FGGY: variants seen among roughly 807,000 people sequenced by gnomAD.
FGGY encodes FGGY carbohydrate kinase domain containing.
Under a neutral mutation model 71.3 loss-of-function variants are expected in FGGY, and 72 were observed. The observed-to-expected ratio is 1.01, with a 90% CI of 0.84 to 1.23. The LOEUF is 1.23. FGGY is among the 50% of genes most tolerant of loss of function. The probability of loss-of-function intolerance (pLI) is 0.00; values close to 1 mark genes in which losing one functional copy is unlikely to be tolerated. For synonymous variants in FGGY, 251 were observed against 250.3 expected, an observed-to-expected ratio of 1.00 and a Z score of -0.02; for missense variants, 668 against 682.3, an observed-to-expected ratio of 0.98 and a Z score of 0.23.
chr1:59,487,057 C>G (rs1185232806), intron 6 of FGGY, among the ~76,000 whole-genome samples: 1 of 152,126 alleles, frequency 6.6e-6, no homozygotes, highest in East Asian at 1.9e-4. Context: ...GAGTGACACA[C>G]CCCTGAGGTT....
chr1:59,386,030 G>C (rs547343537), intron 5 of FGGY, among the ~76,000 whole-genome samples: 1 of 152,032 alleles, frequency 6.6e-6, no homozygotes, highest in Non-Finnish European at 1.5e-5. Context: ...TTTTAAAATA[G>C]TTTTAGGATT....
intron 1 of FGGY, among the ~76,000 whole-genome samples, chr1:59,318,932 G>A (rs2045922633): frequency 6.6e-6 from 1 of 152,216 alleles, no homozygotes; most frequent in Admixed American, 6.5e-5. Flanking sequence ...TGAGAGGTTG[G>A]TAGAGGGAAG....
rs867366756 is a variant in FGGY, at chr1:59,512,219, G to A, written c.671-92G>A. ...ATCTTTGCAAATGCAGAGGAGGGAG[G>A]AGAGAGCAAAGAGTTTCTCTTAAAA... On this transcript the variant is annotated intron_variant, in intron 6 of 15. Transcript: ENST00000303721. The A allele has an allele frequency of 3.7e-6, 5 of 1,349,308 alleles. No homozygotes were observed. The South Asian group carries it at 6.3e-5, about 17-fold the overall frequency. The allele number at this position is 1,349,308 out of a possible 1,614,324, so 83.6% of individuals were successfully genotyped here.
chr1:59,550,519 C>T lies in FGGY; in HGVS notation c.800-3605C>T, dbSNP rs369218477. Among the ~76,000 whole-genome samples, 12 of 151,884 alleles carry T rather than the reference C, an allele frequency of 7.9e-5. No homozygotes were observed. In the East Asian group the frequency reaches 1.2e-3, roughly 15 times the overall value. On this transcript the variant is annotated intron_variant, in intron 7 of 15. Coordinates refer to ENST00000303721, the MANE Select transcript of FGGY (RefSeq NM_018291.5). Reference sequence around the variant, plus strand: ...TGAGGGGAAATGAGGCCAGTCCTGCCCAATATATATAATTTTAGGTAAGGA... The same window carrying T: ...TGAGGGGAAATGAGGCCAGTCCTGCTCAATATATATAATTTTAGGTAAGGA...
chr1:59,345,155 C>T (rs2051563750), intron 3 of FGGY, among the ~76,000 whole-genome samples: 2 of 152,152 alleles, frequency 1.3e-5, no homozygotes, highest in South Asian at 4.1e-4. Context: ...ATGTTTAGCA[C>T]AGGGCTTGGG....
At chr1:59,598,573 CT>C (rs2096545676) in intron 8 of FGGY, among the ~76,000 whole-genome samples, 1 of 152,172 alleles carries the variant, frequency 6.6e-6, no homozygotes, top group Admixed American at 6.5e-5. Flanking sequence ...TCCCCACCCA[CT>C]CAGATTGCTA....
At chr1:59,326,037 G>A (rs1250085880) in intron 2 of FGGY, among the ~76,000 whole-genome samples, 1 of 152,212 alleles carries the variant, frequency 6.6e-6, no homozygotes, top group East Asian at 1.9e-4. Flanking sequence ...TTCCAAAAAG[G>A]TGAGAACATT....
intron 4 of FGGY, among the ~76,000 whole-genome samples, chr1:59,361,753 A>C (rs1189254760): frequency 2.0e-5 from 3 of 152,192 alleles, no homozygotes; most frequent in African/African-American, 7.2e-5. Context: ...CCTGGACCTG[A>C]GAACTCCGGA....
chr1:59,382,541 A>C (rs1300278064), intron 5 of FGGY, among the ~76,000 whole-genome samples: 1 of 152,164 alleles, frequency 6.6e-6, no homozygotes, highest in Non-Finnish European at 1.5e-5. Flanking sequence ...GGTTATCATC[A>C]GTGGGGAGGG....
intron 4 of FGGY, among the ~76,000 whole-genome samples, chr1:59,367,784 C>T (rs759186190): frequency 2.0e-5 from 3 of 152,184 alleles, no homozygotes; most frequent in Non-Finnish European, 4.4e-5. Context: ...AGGGCGGCTG[C>T]AGCCTTGAAT....
intron 14 of FGGY, among the ~76,000 whole-genome samples, chr1:59,677,474 A>T (rs2097447456): frequency 6.6e-6 from 1 of 152,200 alleles, no homozygotes; most frequent in South Asian, 2.1e-4. Context: ...CCTCCTTCAG[A>T]TGCTGGGAAG....
At chr1:59,663,903 A>G (rs969504179) in intron 12 of FGGY, among the ~76,000 whole-genome samples, 3 of 152,256 alleles carry the variant, frequency 2.0e-5, no homozygotes, top group Non-Finnish European at 4.4e-5. Context: ...GTCAACTGAA[A>G]GTTAAGCAAA....
At chr1:59,479,315 C>T (rs774465942) in intron 6 of FGGY, among the ~76,000 whole-genome samples, 11 of 151,686 alleles carry the variant, frequency 7.3e-5, no homozygotes, top group East Asian at 1.9e-4. Flanking sequence ...GGGAGGAAGA[C>T]GGTTGGAAAT....
chr1:59,612,061 T>C (rs1054796975), intron 9 of FGGY, among the ~76,000 whole-genome samples: 25 of 152,178 alleles, frequency 1.6e-4, no homozygotes, highest in African/African-American at 5.5e-4. Context: ...TGGAACCAAC[T>C]GGGAAAACAC....
At chr1:59,527,119 G>A (rs931777288) in intron 7 of FGGY, among the ~76,000 whole-genome samples, 4 of 152,174 alleles carry the variant, frequency 2.6e-5, no homozygotes, top group East Asian at 1.9e-4. Context: ...AATATTCTTC[G>A]TTATCAAGCA....
At chr1:59,660,323 G>T in intron 12 of FGGY, 30 bp downstream of exon 12, 1 of 1,584,774 alleles carries the variant, frequency 6.3e-7, no homozygotes, top group South Asian at 1.1e-5. Flanking sequence ...TTTTTAAAGA[G>T]ACTTAGAGCC....
chr1:59,640,733 A>G (rs1387658440), intron 11 of FGGY, among the ~76,000 whole-genome samples: 4 of 151,046 alleles, frequency 2.6e-5, no homozygotes, highest in Non-Finnish European at 4.4e-5. Flanking sequence ...ATAATACCAA[A>G]TGAATTAAGT....
chr1:59,487,709 C>T (rs988800475), intron 6 of FGGY, among the ~76,000 whole-genome samples: 2 of 151,980 alleles, frequency 1.3e-5, no homozygotes, highest in African/African-American at 4.8e-5. Flanking sequence ...AATACTTGAT[C>T]TCTTTGGGGG....
chr1:59,700,047 C>A (rs1039058206), intron 14 of FGGY, among the ~76,000 whole-genome samples: 3 of 152,098 alleles, frequency 2.0e-5, no homozygotes, highest in Non-Finnish European at 4.4e-5. Flanking sequence ...CTTTTAAATT[C>A]TTGATCAAAG....
Sources: allele counts gnomAD v4.1 joint callset (sites outside exome capture counted in the v4.1 genomes callset), GRCh38; gene constraint gnomAD v4.1.1; transcripts MANE v1.5; gene names NCBI Gene and HGNC (gene_info 2026-07-23, HGNC 2026-07-21).